EPB41: variants seen among roughly 807,000 people sequenced by gnomAD.
EPB41 encodes the protein erythrocyte membrane protein band 4.1, also known as protein 4.1.
EPB41 carries 65 observed loss-of-function variants against 108.0 expected under a neutral mutation model. The ratio of observed to expected loss-of-function variants is 0.60; its 90% CI spans 0.49 to 0.74. The LOEUF is 0.74. Among genes scored for constraint, EPB41 ranks in the 30% least tolerant of loss-of-function variants. The pLI is 0.00. For missense variants in EPB41, 875 were observed against 1,037.0 expected (o/e 0.84, Z 2.15); for synonymous variants, 336 against 358.9 (o/e 0.94, Z 0.72).
Position 29,115,744 on chromosome 1 carries a change from A to G in EPB41, c.2542A>G (p.Met848Val). The stretch of plus-strand genomic sequence containing the variant: ...GGAGGCAAAGGAGCAGCACCCAGAC[A>G]TGTCAGTGACCAAGGTGGTCGTCCA... ...IKEAKEQHPD[M>V]SVTKVVVHQE... is the part of the protein sequence containing the mutation. Residue 848 changes from methionine (M) to valine (V), a missense_variant, in exon 20 of 21, where the codon ATG becomes GTG. Physicochemically the swap from Met to Val is conservative, Grantham distance 21. This residue lies in a region of EPB41 where 519 missense variants were observed against 627.3 expected (regional missense o/e 0.83). Transcript: ENST00000343067. This position sits in a 1 kb window ranked among gnomAD's most constrained non-coding sequence, Gnocchi z 4.4. The G allele has an allele frequency of 6.2e-7, 1 of 1,614,092 alleles. No homozygotes were observed. Among genetic ancestry groups the G allele is most frequent in the South Asian group, 1.1e-5 (1 of 91,082 alleles).
rs144617549 is a variant in EPB41 at position 29,026,571 on chromosome 1, G to A, written c.1125-3829G>A. ...ATCAAAATAGATAAGGAAAATAATT[G>A]ATATACTGCATTGAATAAAATGAAA... On this transcript the variant is annotated intron_variant, in intron 7 of 20. Coordinates refer to ENST00000343067, the MANE Select transcript of EPB41 (RefSeq NM_001376013.1). 4.3e-3 allele frequency among the ~76,000 whole-genome samples: 658 copies of A among 152,216 alleles called. 7 individuals carry two copies. Among genetic ancestry groups the A allele is most frequent in the South Asian group, 0.013 (62 of 4,814 alleles).
intron 5 of EPB41, among the ~76,000 whole-genome samples, chr1:29,014,991 T>G (rs2096559286): frequency 6.6e-6 from 1 of 151,632 alleles, no homozygotes; most frequent in Admixed American, 6.6e-5. Context: ...ACAAAACATC[T>G]GAAAATTAGC....
At chr1:29,023,426 G>A (rs2096672338) in intron 7 of EPB41, among the ~76,000 whole-genome samples, 1 of 151,874 alleles carries the variant, frequency 6.6e-6, no homozygotes. Context: ...AGTGGCTCAT[G>A]CCTGTAATCC....
At chr1:28,964,087 C>T (rs1171363740) in intron 1 of EPB41, among the ~76,000 whole-genome samples, 5 of 152,082 alleles carry the variant, frequency 3.3e-5, no homozygotes, top group African/African-American at 9.7e-5. Context: ...TTCCTGTATC[C>T]GTTCTCTCTC....
chr1:29,073,846 A>G (rs995316455), intron 16 of EPB41, among the ~76,000 whole-genome samples: 1 of 152,214 alleles, frequency 6.6e-6, no homozygotes, highest in Non-Finnish European at 1.5e-5. Flanking sequence ...GATATTATAC[A>G]TGGAATAGAT....
intron 12 of EPB41, among the ~76,000 whole-genome samples, chr1:29,055,970 C>T (rs1645332681): frequency 6.9e-6 from 1 of 145,690 alleles, no homozygotes; most frequent in Admixed American, 6.9e-5. Flanking sequence ...GGCGCGGTGG[C>T]TCACGCCTGT....
At chr1:29,086,331 TG>T (rs1377147159) in intron 16 of EPB41, among the ~76,000 whole-genome samples, 1 of 150,764 alleles carries the variant, frequency 6.6e-6, no homozygotes, top group Admixed American at 6.7e-5. Flanking sequence ...TAGAGTGCAG[TG>T]GTGCCATCTC....
At chr1:29,002,887 G>A (rs72649236) in intron 4 of EPB41, among the ~76,000 whole-genome samples, 312 of 152,318 alleles carry the variant, frequency 2.0e-3, no homozygotes, top group Admixed American at 4.9e-3. Flanking sequence ...TCTTCTAAAT[G>A]CTAAAGCAGA....
At chr1:29,052,608 T>C (rs1357070172) in intron 11 of EPB41, among the ~76,000 whole-genome samples, 13 of 152,242 alleles carry the variant, frequency 8.5e-5, no homozygotes, top group Non-Finnish European at 1.9e-4. Flanking sequence ...TATCAAGTTA[T>C]TTTGTAATCA....
chr1:29,038,145 G>T (rs1027325564), intron 10 of EPB41, among the ~76,000 whole-genome samples: 1 of 152,020 alleles, frequency 6.6e-6, no homozygotes, highest in Admixed American at 6.6e-5. Context: ...TCAACGAGAA[G>T]AAAATTCAAG....
chr1:28,955,114 T>C (rs2094891826), intron 1 of EPB41, among the ~76,000 whole-genome samples: 1 of 152,174 alleles, frequency 6.6e-6, no homozygotes, highest in African/African-American at 2.4e-5. Context: ...GCCTCTACTT[T>C]CAGGGAAGTA....
At chr1:29,045,053 T>C (rs1173981794) in intron 11 of EPB41, among the ~76,000 whole-genome samples, 1 of 152,216 alleles carries the variant, frequency 6.6e-6, no homozygotes, top group Non-Finnish European at 1.5e-5. Flanking sequence ...TCTCTAACAA[T>C]ATTCTCTAAG....
chr1:29,019,772 G>A (rs1442997328), intron 7 of EPB41, among the ~76,000 whole-genome samples: 1 of 152,156 alleles, frequency 6.6e-6, no homozygotes, highest in African/African-American at 2.4e-5. Context: ...TGAGAGAGCT[G>A]TAACTTAAGA....
In EPB41 at chr1:29,092,565, CTTTTA is replaced by C. The variant is rs552459379; in HGVS notation, c.2185-5236_2185-5232del. On this transcript the variant is annotated intron_variant, in intron 16 of 20. Coordinates refer to ENST00000343067, the MANE Select transcript of EPB41 (RefSeq NM_001376013.1). ...AGGTTATTTCTTTTTCTTCTTTTAA[CTTTTA>C]TTTTAGGTACACGCGCAGGTTTGTT... Among the ~76,000 whole-genome samples, 27 of 152,242 alleles carry C rather than the reference CTTTTA, an allele frequency of 1.8e-4. No homozygotes were observed. In the South Asian group the frequency reaches 5.4e-3, roughly 30 times the overall value.
chr1:29,045,835 G>A (rs1056787910), intron 11 of EPB41, among the ~76,000 whole-genome samples: 2 of 146,860 alleles, frequency 1.4e-5, no homozygotes, highest in Non-Finnish European at 3.0e-5. Flanking sequence ...AATTAGCTGA[G>A]CATGGTAGTG....
intron 12 of EPB41, chr1:29,054,536 TAAAAAAAAAA>T (rs147359708): frequency 4.8e-4 from 60 of 123,962 alleles, no homozygotes; most frequent in African/African-American, 1.8e-3. Flanking sequence ...TTGATTATAT[TAAAAAAAAAA>T]AAAAAAAAAA....
chr1:28,895,361 T>C (rs12408397), intron 1 of EPB41, among the ~76,000 whole-genome samples: 75,988 of 151,830 alleles, frequency 0.5, 21,083 homozygotes, highest in East Asian at 0.79. Context: ...TAGGAGACCC[T>C]CTGAAGCAGG....
At chr1:28,942,639 G>A (rs1011032562) in intron 1 of EPB41, among the ~76,000 whole-genome samples, 1 of 152,198 alleles carries the variant, frequency 6.6e-6, no homozygotes, top group Non-Finnish European at 1.5e-5. Context: ...CAGTCCTTTT[G>A]ATTTTTCATG....
At chr1:28,985,766 CTT>C (rs1264005739) in intron 1 of EPB41, 1 of 152,054 alleles carries the variant, frequency 6.6e-6, no homozygotes, top group Non-Finnish European at 1.5e-5. Context: ...TTATAGATGT[CTT>C]TGTTTCTTCT....
Sources: gnomAD v4.1 joint callset for allele counts (sites outside exome capture counted in the v4.1 genomes callset) on GRCh38, gnomAD v4.1.1 for gene constraint, gnomAD v4.1.1 regional missense constraint, Gnocchi (gnomAD v3.1) non-coding constraint, MANE v1.5 for transcripts, NCBI Gene and HGNC (gene_info 2026-07-23, HGNC 2026-07-21) for gene names.